Variants in SCFD2 observed in about 807,000 individuals in gnomAD.
SCFD2 encodes sec1 family domain-containing protein 2.
SCFD2 carries 54 observed loss-of-function variants against 58.9 expected under a neutral mutation model. The observed-to-expected ratio is 0.92, with a 90% CI of 0.74 to 1.15. The LOEUF (loss-of-function observed/expected upper bound fraction) is 1.15, where lower values mean the gene tolerates loss of function less well. Ranked by LOEUF, SCFD2 falls within the 50% of genes most tolerant of loss-of-function variation. The pLI is 0.00. For synonymous variants in SCFD2, 321 were observed against 335.9 expected (o/e 0.96, Z 0.49); for missense variants, 805 against 836.6 (o/e 0.96, Z 0.47).
intron 5 of SCFD2, chr4:52,956,474 A>G (rs947256749): frequency 2.3e-5 from 8 of 344,122 alleles, no homozygotes; most frequent in Non-Finnish European, 4.0e-5. Context: ...GGGACAGTGC[A>G]ACGAGGACTT....
At chr4:53,273,638 ATTTT>A in intron 4 of SCFD2, 184 bp downstream of exon 4, 1 of 488,304 alleles carries the variant, frequency 2.0e-6, no homozygotes, top group Non-Finnish European at 3.5e-6. Flanking sequence ...TACTGTCAAA[ATTTT>A]TTTTTAAACA....
At chr4:53,234,875 C>A (rs1729548257) in intron 4 of SCFD2, among the ~76,000 whole-genome samples, 1 of 152,208 alleles carries the variant, frequency 6.6e-6, no homozygotes. Context: ...AATTACAGTG[C>A]CTTAAGCAAG....
At chr4:53,280,495 G>A (rs534646987) in intron 3 of SCFD2, among the ~76,000 whole-genome samples, 15 of 151,704 alleles carry the variant, frequency 9.9e-5, no homozygotes, top group East Asian at 5.8e-4. Context: ...CAGCCTGGGC[G>A]ACAGAGGGAA....
At chr4:53,304,012 T>G in intron 3 of SCFD2, among the ~76,000 whole-genome samples, 1 of 149,256 alleles carries the variant, frequency 6.7e-6, no homozygotes. Flanking sequence ...AAATGACGAG[T>G]TAATGGGTGC....
chr4:53,034,064 A>G (rs1166409887), intron 5 of SCFD2, among the ~76,000 whole-genome samples: 2 of 152,222 alleles, frequency 1.3e-5, no homozygotes, highest in African/African-American at 2.4e-5. Flanking sequence ...AAAATCCTCA[A>G]TAAAATACTG....
In SCFD2 at chr4:53,365,301, A is replaced by C; in HGVS notation, c.641T>G (p.Leu214Arg). 1 of 1,614,218 alleles carries C rather than the reference A, an allele frequency of 6.2e-7. No individual in the cohort carries two copies. The highest frequency in any genetic ancestry group is 8.5e-7 in the Non-Finnish European group (1 of 1,180,038). The change falls in exon 1 of 9, where the codon CTG becomes CGG. Residue 214 changes from leucine (L) to arginine (R), a missense_variant. By Grantham distance (102) the Leu-to-Arg change is moderately radical (BLOSUM62 -2). Around this residue, in one of 3 missense-constraint regions of SCFD2, gnomAD observed 633 missense variants for 646.8 expected, o/e 0.98. Transcript: ENST00000401642. The surrounding 1 kb of genome is among the most constrained non-coding windows in gnomAD (Gnocchi z 4.3). ...GCCTGACACTAGGCATCTGATCTGC[A>C]GCAGCAGCTCTGGGGTTAGCGTAGT... Reference protein sequence around the residue: ...DSTTLTPELLLQIRCLVSGLS... With the variant: ...DSTTLTPELLRQIRCLVSGLS...
At chr4:52,966,479 ATC>A (rs760860772) in intron 5 of SCFD2, among the ~76,000 whole-genome samples, 9 of 151,834 alleles carry the variant, frequency 5.9e-5, no homozygotes, top group Non-Finnish European at 1.2e-4. Flanking sequence ...CACCTTTTTA[ATC>A]TCTGTTTTCA....
chr4:53,188,082 C>A (rs1727786778), intron 4 of SCFD2, among the ~76,000 whole-genome samples: 1 of 151,988 alleles, frequency 6.6e-6, no homozygotes, highest in Non-Finnish European at 1.5e-5. Context: ...AAAAACAACT[C>A]AAGGGAACAT....
At chr4:52,921,580 C>A (rs1024819800) in intron 5 of SCFD2, among the ~76,000 whole-genome samples, 2 of 152,178 alleles carry the variant, frequency 1.3e-5, no homozygotes, top group Non-Finnish European at 2.9e-5. Context: ...CATTAATCGT[C>A]ACATCATCCG....
intron 3 of SCFD2, among the ~76,000 whole-genome samples, chr4:53,311,233 G>C (rs1388939535): frequency 6.6e-6 from 1 of 152,112 alleles, no homozygotes; most frequent in Non-Finnish European, 1.5e-5. Flanking sequence ...AGTATGCTTT[G>C]AATCAATCTT....
intron 5 of SCFD2, among the ~76,000 whole-genome samples, chr4:53,068,560 T>G (rs1723726929): frequency 6.6e-6 from 1 of 152,076 alleles, no homozygotes; most frequent in Non-Finnish European, 1.5e-5. Context: ...TATTTTTAAT[T>G]TTTAATATTC....
chr4:53,121,748 C>T (rs1477938743), intron 5 of SCFD2, among the ~76,000 whole-genome samples: 1 of 152,188 alleles, frequency 6.6e-6, no homozygotes, highest in African/African-American at 2.4e-5. Context: ...TCTTGACTCC[C>T]TTTGTGGAAG....
intron 1 of SCFD2, among the ~76,000 whole-genome samples, chr4:53,360,812 A>G (rs1184868762): frequency 2.6e-5 from 4 of 152,214 alleles, no homozygotes; most frequent in Non-Finnish European, 4.4e-5. Context: ...TGGGGGTTCA[A>G]TCTCATTGCT....
At chr4:53,028,646 AGAGGGAAGGATAGAGG>A (rs367867283) in intron 5 of SCFD2, among the ~76,000 whole-genome samples, 10 of 152,290 alleles carry the variant, frequency 6.6e-5, no homozygotes, top group African/African-American at 2.4e-4. Context: ...GAAAAGGGAG[AGAGGGAAGGATAGAGG>A]GAGAGAGTAA....
intron 5 of SCFD2, among the ~76,000 whole-genome samples, chr4:52,943,516 A>G (rs1560488380): frequency 1.3e-5 from 2 of 152,268 alleles, no homozygotes; most frequent in African/African-American, 4.8e-5. Flanking sequence ...CTGGCCTTCA[A>G]GCACTCACCA....
At chr4:53,023,103 G>C (rs530282506) in intron 5 of SCFD2, among the ~76,000 whole-genome samples, 1 of 152,298 alleles carries the variant, frequency 6.6e-6, no homozygotes, top group South Asian at 2.1e-4. Context: ...TGCATAGAGA[G>C]TTTAGGAAAT....
intron 5 of SCFD2, among the ~76,000 whole-genome samples, chr4:52,974,410 C>A (rs1264726071): frequency 2.6e-5 from 4 of 152,166 alleles, no homozygotes; most frequent in Admixed American, 1.3e-4. Context: ...TGAGTGAACT[C>A]CCATTCACAA....
chr4:52,951,074 C>T (rs1720581274), intron 5 of SCFD2: 1 of 152,122 alleles, frequency 6.6e-6, no homozygotes, highest in Non-Finnish European at 1.5e-5. Flanking sequence ...GACTGATGCC[C>T]ACTACACTGG....
At chr4:53,118,289 C>T (rs1404643124) in intron 5 of SCFD2, among the ~76,000 whole-genome samples, 3 of 152,140 alleles carry the variant, frequency 2.0e-5, no homozygotes, top group East Asian at 1.9e-4. Flanking sequence ...TAAGGGACAA[C>T]TGATGAAATG....
Sources: allele counts gnomAD v4.1 joint callset (sites outside exome capture counted in the v4.1 genomes callset), GRCh38; gene constraint gnomAD v4.1.1; regional missense constraint gnomAD v4.1.1; non-coding constraint Gnocchi (gnomAD v3.1); transcripts MANE v1.5; gene names NCBI Gene and HGNC (gene_info 2026-07-23, HGNC 2026-07-21).